GAS2: variants seen among roughly 807,000 people sequenced by gnomAD.
GAS2 encodes growth arrest specific 2.
GAS2 carries 20 observed loss-of-function variants against 37.5 expected under a neutral mutation model. The observed-to-expected ratio is 0.53, with a 90% CI of 0.37 to 0.77. The LOEUF (loss-of-function observed/expected upper bound fraction) is 0.77, where lower values mean the gene tolerates loss of function less well. Ranked by LOEUF, GAS2 falls within the 30% of genes least tolerant of loss-of-function variation. The pLI, the probability that GAS2 is intolerant of heterozygous loss-of-function variation, is 0.00. For synonymous variants in GAS2, 144 were observed against 132.2 expected (o/e 1.09, Z -0.61); for missense variants, 336 against 373.4 (o/e 0.90, Z 0.82).
intron 1 of GAS2, among the ~76,000 whole-genome samples, chr11:22,649,508 G>T (rs1011436881): frequency 6.6e-6 from 1 of 151,946 alleles, no homozygotes; most frequent in Non-Finnish European, 1.5e-5. Context: ...GTTCCTCCTT[G>T]TACCTCTGGT....
intron 1 of GAS2, among the ~76,000 whole-genome samples, chr11:22,656,290 A>G (rs1255896419): frequency 6.6e-6 from 1 of 152,216 alleles, no homozygotes; most frequent in Non-Finnish European, 1.5e-5. Flanking sequence ...TATGTCATTA[A>G]TGAAGGGAAT....
At chr11:22,796,585 C>T (rs907585293) in intron 7 of GAS2, among the ~76,000 whole-genome samples, 8 of 152,036 alleles carry the variant, frequency 5.3e-5, no homozygotes, top group African/African-American at 1.9e-4. Flanking sequence ...TTTAGTAATA[C>T]TTATTTTTCC....
chr11:22,652,889 G>A (rs1290927115), intron 1 of GAS2, among the ~76,000 whole-genome samples: 3 of 152,148 alleles, frequency 2.0e-5, no homozygotes, highest in African/African-American at 4.8e-5. Context: ...CTTCTGCGTC[G>A]CTCACGCTGG....
chr11:22,808,812 C>T (rs1857008944), intron 7 of GAS2, among the ~76,000 whole-genome samples: 1 of 152,230 alleles, frequency 6.6e-6, no homozygotes, highest in African/African-American at 2.4e-5. Flanking sequence ...TATTCTGACA[C>T]TGGCCTTGGC....
Position 22,726,701 on chromosome 11 carries a change from C to A in GAS2, c.409+268C>A, listed in dbSNP as rs185605857. Among the ~76,000 whole-genome samples, 33 of 152,026 alleles carry A rather than the reference C, an allele frequency of 2.2e-4. No homozygotes were observed. In the East Asian group the frequency reaches 5.2e-3, roughly 24 times the overall value. ...ATTCTTTCCAAGCTAAATATAAGGG[C>A]CATTAGGGCAAAATTGGTGCAAAAT... is the stretch of plus-strand genomic sequence containing the variant. On this transcript the variant is annotated intron_variant, in intron 4 of 7. Coordinates refer to ENST00000454584, the MANE Select transcript of GAS2 (RefSeq NM_001143830.3).
rs1373498906 is a variant in GAS2, at chr11:22,812,119, TAGAC to T, written c.*107_*110del. On this transcript the variant is annotated 3_prime_UTR_variant, in exon 8 of 8. Transcript: ENST00000454584. The stretch of plus-strand genomic sequence containing the variant: ...TTCTGAAAACTGTTTTGGAGAAAGA[TAGAC>T]AGAAAAATGTCATCATATTGAAAAA... 3.7e-6 allele frequency: 3 copies of T among 804,476 alleles called. No homozygotes were observed. Among genetic ancestry groups the T allele is most frequent in the Non-Finnish European group, 6.0e-6 (3 of 497,080 alleles). 49.8% of individuals were successfully genotyped at this position (804,476 alleles called of 1,614,324 possible).
chr11:22,632,620 C>T (rs575346624), intron 1 of GAS2, among the ~76,000 whole-genome samples: 3 of 152,204 alleles, frequency 2.0e-5, no homozygotes, highest in African/African-American at 7.2e-5. Flanking sequence ...GGAAGTTTTC[C>T]TTAATTATTC....
At chr11:22,661,535 CAT>C (rs1848916197) in intron 1 of GAS2, among the ~76,000 whole-genome samples, 1 of 152,084 alleles carries the variant, frequency 6.6e-6, no homozygotes, top group Non-Finnish European at 1.5e-5. Context: ...GAGCACTGGA[CAT>C]AGAGTCACAA....
intron 7 of GAS2, among the ~76,000 whole-genome samples, chr11:22,772,552 T>C (rs568029855): frequency 6.6e-6 from 1 of 152,206 alleles, no homozygotes. Context: ...AAATTTTTTT[T>C]AAAAATCGCT....
chr11:22,774,334 A>C (rs374486935), intron 7 of GAS2, among the ~76,000 whole-genome samples: 116 of 152,286 alleles, frequency 7.6e-4, no homozygotes, highest in African/African-American at 2.3e-3. Flanking sequence ...AAATTTATTT[A>C]TTCTGTTACA....
intron 1 of GAS2, among the ~76,000 whole-genome samples, chr11:22,637,267 A>C (rs180960129): frequency 0.095 from 2,607 of 27,474 alleles, 6 homozygotes; most frequent in Non-Finnish European, 0.14. Context: ...TAATATATTA[A>C]TTATATTAAT....
chr11:22,652,719 A>G (rs375393926), intron 1 of GAS2, among the ~76,000 whole-genome samples: 5 of 152,208 alleles, frequency 3.3e-5, no homozygotes, highest in African/African-American at 1.2e-4. Context: ...TTTGACTAGG[A>G]AAGGGAACTC....
intron 7 of GAS2, among the ~76,000 whole-genome samples, chr11:22,811,080 T>G (rs1326086924): frequency 6.6e-6 from 1 of 152,152 alleles, no homozygotes; most frequent in Non-Finnish European, 1.5e-5. Context: ...CAAACCTCCA[T>G]GATATATTTT....
At chr11:22,789,297 T>TACAC (rs1386009705) in intron 7 of GAS2, among the ~76,000 whole-genome samples, 5 of 100,740 alleles carry the variant, frequency 5.0e-5, no homozygotes, top group Non-Finnish European at 7.5e-5. Flanking sequence ...TATATATATA[T>TACAC]ATATATACAC....
intron 1 of GAS2, among the ~76,000 whole-genome samples, chr11:22,661,294 T>C (rs1263198095): frequency 6.6e-6 from 1 of 152,212 alleles, no homozygotes; most frequent in Non-Finnish European, 1.5e-5. Context: ...GCACCCACTT[T>C]TTCCTCCCTT....
rs369389451 is a variant in GAS2 at position 22,698,767 on chromosome 11, C to G, written c.267+12978C>G. Among the ~76,000 whole-genome samples the G allele has an allele frequency of 4.6e-5, 7 of 152,134 alleles. No individual in the cohort carries two copies. In the East Asian group the frequency reaches 7.7e-4, roughly 17 times the overall value. ...CATATAAACAGAACCAAAGATAAAACATTGTTTTAAGAAGAGGTGACCAAA... is the reference window on the plus strand; with the variant it reads ...CATATAAACAGAACCAAAGATAAAAGATTGTTTTAAGAAGAGGTGACCAAA... On this transcript the variant is annotated intron_variant, in intron 3 of 7. Coordinates refer to ENST00000454584, the MANE Select transcript of GAS2 (RefSeq NM_001143830.3).
intron 7 of GAS2, among the ~76,000 whole-genome samples, chr11:22,777,809 A>G (rs375724965): frequency 6.6e-6 from 1 of 152,186 alleles, no homozygotes; most frequent in African/African-American, 2.4e-5. Context: ...GCAATTGGAG[A>G]TACTGAGCAA....
intron 1 of GAS2, among the ~76,000 whole-genome samples, chr11:22,638,118 C>T (rs1224456054): frequency 6.6e-6 from 1 of 151,984 alleles, no homozygotes; most frequent in Non-Finnish European, 1.5e-5. Context: ...ATACATCTTC[C>T]CATGTCTTCT....
At chr11:22,735,633 A>G (rs1852712876) in intron 4 of GAS2, among the ~76,000 whole-genome samples, 1 of 151,836 alleles carries the variant, frequency 6.6e-6, no homozygotes, top group Non-Finnish European at 1.5e-5. Context: ...TACATGTGAA[A>G]TTGTCTTTCT....
Sources: gnomAD v4.1 joint callset for allele counts (sites outside exome capture counted in the v4.1 genomes callset) on GRCh38, gnomAD v4.1.1 for gene constraint, MANE v1.5 for transcripts, NCBI Gene and HGNC (gene_info 2026-07-23, HGNC 2026-07-21) for gene names.